Variants in POLR2B observed in about 807,000 individuals in gnomAD.
POLR2B encodes DNA-directed RNA polymerase II subunit RPB2.
Under a neutral mutation model 144.6 loss-of-function variants are expected in POLR2B, and 57 were observed. That is an observed-to-expected ratio of 0.39 (90% CI 0.32 to 0.49). The LOEUF (loss-of-function observed/expected upper bound fraction) is 0.49, where lower values mean the gene tolerates loss of function less well. POLR2B is among the 20% of genes least tolerant of loss of function. The pLI is 0.83. For synonymous variants in POLR2B, 442 were observed against 469.8 expected (o/e 0.94, Z 0.77); for missense variants, 595 against 1,467.4 (o/e 0.41, Z 9.71).
At position 57,005,582 on chromosome 4, in the gene POLR2B, CTTT is replaced by C. The variant is rs367918481; in HGVS notation, c.1098-7_1098-5del. 1,639 of 1,335,352 alleles carry C rather than the reference CTTT, an allele frequency of 1.2e-3. 2 individuals carry two copies. The highest frequency in any genetic ancestry group is 1.3e-3 in the Non-Finnish European group (1,272 of 985,098). The allele number at this position is 1,335,352 out of a possible 1,614,324, so 82.7% of individuals were successfully genotyped here. On this transcript the variant is annotated splice_polypyrimidine_tract_variant and intron_variant, in intron 8 of 24. Transcript: ENST00000314595. ...AAGTGTTTTCCCTCTTTCTTTCTTT[CTTT>C]TTTTTTTTTTAAAGATACATGGTTC...
At position 57,005,582 on chromosome 4, in the gene POLR2B, C is replaced by CTTTTT; in HGVS notation, c.1098-9_1098-5dup. On this transcript the variant is annotated splice_polypyrimidine_tract_variant and intron_variant, in intron 8 of 24. Transcript: ENST00000314595. ...AAGTGTTTTCCCTCTTTCTTTCTTT[C>CTTTTT]TTTTTTTTTTTTTAAAGATACATGG... The CTTTTT allele has an allele frequency of 4.5e-6, 6 of 1,335,080 alleles. No individual in the cohort carries two copies. Among genetic ancestry groups the CTTTTT allele is most frequent in the South Asian group, 1.4e-5 (1 of 71,432 alleles). The allele number at this position is 1,335,080 out of a possible 1,614,324, so 82.7% of individuals were successfully genotyped here.
chr4:57,007,193 T>G (rs1355554508), intron 10 of POLR2B, among the ~76,000 whole-genome samples, 191 bp downstream of exon 10: 1 of 152,224 alleles, frequency 6.6e-6, no homozygotes, highest in Non-Finnish European at 1.5e-5. Flanking sequence ...CTGGATCACC[T>G]GAGGTCAGGA....
In POLR2B at chr4:57,019,375, C is replaced by CT. The variant is rs556542796; in HGVS notation, c.2324-1513dup. On this transcript the variant is annotated intron_variant, in intron 16 of 24. Coordinates refer to ENST00000314595, the MANE Select transcript of POLR2B (RefSeq NM_000938.3). The stretch of plus-strand genomic sequence containing the variant: ...ATCATGGCATCTTTATTTTGAAATT[C>CT]TTTTTTTTTTTGTAGAGATAGGGTC... Among the ~76,000 whole-genome samples, 503 of 145,468 alleles carry CT rather than the reference C, an allele frequency of 3.5e-3. 3 individuals carry two copies. The highest frequency in any genetic ancestry group is 4.5e-3 in the Non-Finnish European group (293 of 65,734).
At chr4:57,024,773 A>G in intron 21 of POLR2B, 113 bp from the exon 22 acceptor site, 1 of 621,500 alleles carries the variant, frequency 1.6e-6, no homozygotes, top group African/African-American at 1.9e-5. Flanking sequence ...TTAAAATAAT[A>G]CTTTCAAATT....
intron 5 of POLR2B, 64 bp downstream of exon 5, chr4:56,994,930 GAAAA>G (rs41560115): frequency 6.6e-4 from 479 of 727,868 alleles, no homozygotes; most frequent in South Asian, 1.3e-3. Context: ...AAGTTGAAAT[GAAAA>G]AAAAAAAAAA....
chr4:56,990,524 A>G (rs1449193026), intron 2 of POLR2B, among the ~76,000 whole-genome samples: 2 of 152,182 alleles, frequency 1.3e-5, no homozygotes, highest in Non-Finnish European at 2.9e-5. Context: ...TTTTACCCCC[A>G]AATATAAGCT....
Position 57,005,773 on chromosome 4 carries a change from A to G in POLR2B, c.1217+54A>G, listed in dbSNP as rs1578575059. 31 of 1,541,398 alleles carry G rather than the reference A, an allele frequency of 2.0e-5. No homozygotes were observed. In the East Asian group the frequency reaches 6.6e-4, roughly 33 times the overall value. On this transcript the variant is annotated intron_variant, in intron 9 of 24. Coordinates refer to ENST00000314595, the MANE Select transcript of POLR2B (RefSeq NM_000938.3). ...AGCAGGGAGATTTATTTCACTTTAG[A>G]TTGATCATTGCATATGGCCAGGCTA...
rs1723526548 is a variant in POLR2B, at chr4:57,020,995, GGTTA to G, written c.2420+3_2420+6del. Reference sequence around the variant, plus strand: ...TCAGCTGTAGACCGCGGCTTCTTCAGGTTAGTATTTTGTAAATTTGTCAAAACAC... The same window carrying G: ...TCAGCTGTAGACCGCGGCTTCTTCAGGTATTTTGTAAATTTGTCAAAACAC... On this transcript the variant is annotated splice_donor_variant and splice_donor_region_variant and intron_variant, in intron 17 of 24. Coordinates refer to ENST00000314595, the MANE Select transcript of POLR2B (RefSeq NM_000938.3). LOFTEE classifies it high-confidence loss of function. The G allele has an allele frequency of 6.5e-7, 1 of 1,535,444 alleles. No individual in the cohort carries two copies. The highest frequency in any genetic ancestry group is 1.7e-5 in the Admixed American group (1 of 59,560).
At chr4:57,022,462 A>G (rs1022298714) in intron 18 of POLR2B, among the ~76,000 whole-genome samples, 21 of 152,206 alleles carry the variant, frequency 1.4e-4, no homozygotes, top group African/African-American at 5.1e-4. Flanking sequence ...TGAGCTTGCT[A>G]TAGACCTTCC....
Position 57,023,877 on chromosome 4 carries a change from A to G in POLR2B, c.2856+126A>G. On this transcript the variant is annotated intron_variant, in intron 20 of 24. Transcript: ENST00000314595. The surrounding 1 kb of genome is among the most constrained non-coding windows in gnomAD (Gnocchi z 4.3). ...TTGAACTTTTTGATTTTATTGTTGA[A>G]TAAGTATATGAACATACCATGTTTA... 2 of 804,320 alleles carry G rather than the reference A, an allele frequency of 2.5e-6. No individual in the cohort carries two copies. The highest frequency in any genetic ancestry group is 2.5e-5 in the Admixed American group (1 of 39,314). 49.8% of individuals were successfully genotyped at this position (804,320 alleles called of 1,614,324 possible).
chr4:57,012,482 A>G (rs1723223993), intron 13 of POLR2B, among the ~76,000 whole-genome samples: 1 of 152,108 alleles, frequency 6.6e-6, no homozygotes, highest in Non-Finnish European at 1.5e-5. Flanking sequence ...GGGTTTTAGT[A>G]TACTGTTTGC....
At chr4:56,980,992 A>G (rs1722140340) in intron 1 of POLR2B, among the ~76,000 whole-genome samples, 1 of 151,758 alleles carries the variant, frequency 6.6e-6, no homozygotes, top group South Asian at 2.1e-4. Context: ...TTTAGTAGAG[A>G]TGGTTTCTCC....
At chr4:57,015,468 A>C (rs1723335252) in intron 13 of POLR2B, 34 bp from the exon 14 acceptor site, 1 of 1,210,440 alleles carries the variant, frequency 8.3e-7, no homozygotes, top group East Asian at 2.9e-5. Flanking sequence ...AGAAAATAAA[A>C]ATTTGTGGAA....
intron 6 of POLR2B, among the ~76,000 whole-genome samples, chr4:56,996,599 T>TA (rs1722698854): frequency 1.3e-5 from 2 of 151,942 alleles, no homozygotes; most frequent in Middle Eastern, 3.4e-3. Context: ...TTTTATTTAA[T>TA]AATTATGCAT....
At chr4:56,985,591 A>G in intron 1 of POLR2B, 3 of 495,576 alleles carry the variant, frequency 6.1e-6, no homozygotes, top group Non-Finnish European at 7.8e-6. Flanking sequence ...TAGTAGAGAC[A>G]GGGTTTTGCC....
intron 23 of POLR2B, among the ~76,000 whole-genome samples, chr4:57,028,864 G>T (rs1270961720): frequency 6.6e-6 from 1 of 152,094 alleles, no homozygotes; most frequent in Non-Finnish European, 1.5e-5. Context: ...GTTTTTTAAA[G>T]GTTTGTTGGT....
chr4:56,985,473 G>A (rs907232816), intron 1 of POLR2B: 25 of 985,172 alleles, frequency 2.5e-5, no homozygotes, highest in Non-Finnish European at 3.0e-5. Flanking sequence ...TGAGAGGCGG[G>A]CCCTGCAACC....
At chr4:57,006,052 T>C (rs1234089058) in intron 9 of POLR2B, among the ~76,000 whole-genome samples, 1 of 152,222 alleles carries the variant, frequency 6.6e-6, no homozygotes, top group Non-Finnish European at 1.5e-5. Flanking sequence ...AAGCTGGAGA[T>C]AAATATATAA....
intron 10 of POLR2B, among the ~76,000 whole-genome samples, chr4:57,008,699 C>T (rs892392475): frequency 2.0e-5 from 3 of 152,216 alleles, no homozygotes; most frequent in African/African-American, 7.2e-5. Flanking sequence ...AGATACTTAG[C>T]ACAGCCTGAG....
Sources: gnomAD v4.1 joint callset for allele counts (sites outside exome capture counted in the v4.1 genomes callset) on GRCh38, gnomAD v4.1.1 for gene constraint, Gnocchi (gnomAD v3.1) non-coding constraint, MANE v1.5 for transcripts, NCBI Gene and HGNC (gene_info 2026-07-23, HGNC 2026-07-21) for gene names.